SPAG16: variants seen among roughly 807,000 people sequenced by gnomAD.
SPAG16 encodes the protein sperm associated antigen 16.
In SPAG16, 86 loss-of-function variants were observed where a neutral mutation model predicts 80.4. The observed-to-expected ratio is 1.07, with a 90% CI of 0.90 to 1.28. The LOEUF (loss-of-function observed/expected upper bound fraction) is 1.28, where lower values mean the gene tolerates loss of function less well. SPAG16 is among the 50% of genes most tolerant of loss of function. The pLI is 0.00. For missense variants in SPAG16, 870 were observed against 765.3 expected, an observed-to-expected ratio of 1.14 and a Z score of -1.61; for synonymous variants, 294 against 265.9, an observed-to-expected ratio of 1.11 and a Z score of -1.03.
chr2:213,581,977 T>G (rs1262560630), intron 10 of SPAG16, among the ~76,000 whole-genome samples: 1 of 152,124 alleles, frequency 6.6e-6, no homozygotes, highest in Non-Finnish European at 1.5e-5. Context: ...CTGTACATCA[T>G]AGAGAGTCAT....
At chr2:213,566,346 A>G (rs1363988331) in intron 10 of SPAG16, among the ~76,000 whole-genome samples, 1 of 152,202 alleles carries the variant, frequency 6.6e-6, no homozygotes, top group Non-Finnish European at 1.5e-5. Flanking sequence ...TTTTAACTTC[A>G]GGCAAAACAT....
chr2:213,565,185 T>A (rs2059720279), intron 10 of SPAG16, among the ~76,000 whole-genome samples: 1 of 152,204 alleles, frequency 6.6e-6, no homozygotes, highest in African/African-American at 2.4e-5. Flanking sequence ...TCTCTTCAGT[T>A]TTCTTTTCTG....
intron 1 of SPAG16, among the ~76,000 whole-genome samples, chr2:213,294,727 T>A (rs1207920022): frequency 6.6e-6 from 1 of 152,118 alleles, no homozygotes; most frequent in Non-Finnish European, 1.5e-5. Context: ...TGATGGAGCT[T>A]AGTAGCAGTA....
At chr2:214,037,873 G>A (rs1228100211) in intron 13 of SPAG16, among the ~76,000 whole-genome samples, 23 of 96,488 alleles carry the variant, frequency 2.4e-4, no homozygotes, top group East Asian at 5.9e-4. Flanking sequence ...TGGTGTGTGT[G>A]TGTGTGTGTG....
intron 15 of SPAG16, among the ~76,000 whole-genome samples, chr2:214,304,884 A>G (rs1694807816): frequency 6.6e-6 from 1 of 152,166 alleles, no homozygotes; most frequent in African/African-American, 2.4e-5. Context: ...TCCTTTGGGT[A>G]TATACTCAGT....
chr2:213,994,526 T>C (rs2106462164), intron 12 of SPAG16, among the ~76,000 whole-genome samples: 1 of 152,080 alleles, frequency 6.6e-6, no homozygotes, highest in Middle Eastern at 3.4e-3. Context: ...TGTCTTACAG[T>C]TCAGTTATTA....
At chr2:213,847,183 T>G (rs2074673148) in intron 10 of SPAG16, among the ~76,000 whole-genome samples, 1 of 152,222 alleles carries the variant, frequency 6.6e-6, no homozygotes, top group South Asian at 2.1e-4. Flanking sequence ...GTAATTAGAC[T>G]AGACCCACCC....
At chr2:213,344,176 T>C (rs1044822223) in intron 6 of SPAG16, among the ~76,000 whole-genome samples, 1 of 152,134 alleles carries the variant, frequency 6.6e-6, no homozygotes, top group Non-Finnish European at 1.5e-5. Flanking sequence ...CCCCAGTACA[T>C]AGTCACTCAA....
intron 15 of SPAG16, among the ~76,000 whole-genome samples, chr2:214,259,561 G>A (rs1397436007): frequency 2.8e-5 from 4 of 140,376 alleles, no homozygotes; most frequent in Non-Finnish European, 3.0e-5. Flanking sequence ...CACACGTTTC[G>A]GCAGATATAA....
chr2:213,917,984 G>T (rs148766555), intron 11 of SPAG16, among the ~76,000 whole-genome samples: 1 of 152,168 alleles, frequency 6.6e-6, no homozygotes, highest in East Asian at 1.9e-4. Context: ...TTAATGTGAA[G>T]ATGTATTTTA....
rs71063790 is a variant in SPAG16, at chr2:213,847,862, GACACACAC to G, written c.1071-14607_1071-14600del. On this transcript the variant is annotated intron_variant, in intron 10 of 15. Transcript: ENST00000331683. ...ACAAAATGTTGTAATATAAACAAAT[GACACACAC>G]ACACACACACACACAGACATATAAT... 1.3e-5 allele frequency among the ~76,000 whole-genome samples: 2 copies of G among 149,872 alleles called. 1 individual carries two copies. The highest frequency in any genetic ancestry group is 4.2e-4 in the South Asian group (2 of 4,710).
intron 10 of SPAG16, among the ~76,000 whole-genome samples, chr2:213,556,687 A>C (rs563154877): frequency 3.9e-5 from 6 of 152,282 alleles, no homozygotes; most frequent in African/African-American, 1.4e-4. Context: ...TACATCATCC[A>C]GACTAGAAAA....
chr2:213,519,787 CAT>C (rs1429850743), intron 10 of SPAG16, among the ~76,000 whole-genome samples: 33 of 152,108 alleles, frequency 2.2e-4, no homozygotes, highest in Non-Finnish European at 3.8e-4. Flanking sequence ...TGAAAGCACA[CAT>C]GTTTTCATAG....
At chr2:214,042,246 A>G (rs904134369) in intron 13 of SPAG16, among the ~76,000 whole-genome samples, 1 of 151,654 alleles carries the variant, frequency 6.6e-6, no homozygotes, top group African/African-American at 2.4e-5. Context: ...GACGTGCATC[A>G]CCATGCCCAG....
At chr2:214,170,715 T>C (rs2056843290) in intron 15 of SPAG16, among the ~76,000 whole-genome samples, 1 of 152,150 alleles carries the variant, frequency 6.6e-6, no homozygotes, top group Middle Eastern at 3.4e-3. Context: ...TGTTGTGGTA[T>C]AAGCTCATGA....
intron 15 of SPAG16, among the ~76,000 whole-genome samples, chr2:214,316,143 GGT>G (rs1491301292): frequency 9.9e-5 from 2 of 20,180 alleles, no homozygotes; most frequent in African/African-American, 3.2e-4. Flanking sequence ...TTACTTTTTG[GGT>G]TTTTTTTTTT....
At chr2:213,716,300 A>G (rs1156459765) in intron 10 of SPAG16, among the ~76,000 whole-genome samples, 2 of 152,216 alleles carry the variant, frequency 1.3e-5, no homozygotes, top group Non-Finnish European at 2.9e-5. Context: ...CCATCACAGC[A>G]TAGCTTGAAA....
intron 5 of SPAG16, among the ~76,000 whole-genome samples, chr2:213,337,190 A>C (rs2064409123): frequency 6.6e-6 from 1 of 152,202 alleles, no homozygotes; most frequent in South Asian, 2.1e-4. Context: ...CATCAATGAA[A>C]AGGACCCCAC....
chr2:214,155,758 C>T (rs2056185263), intron 15 of SPAG16, among the ~76,000 whole-genome samples: 1 of 152,132 alleles, frequency 6.6e-6, no homozygotes, highest in African/African-American at 2.4e-5. Flanking sequence ...GGATCTTGTC[C>T]TACACTAAAG....
Sources: allele counts gnomAD v4.1 joint callset (sites outside exome capture counted in the v4.1 genomes callset), GRCh38; gene constraint gnomAD v4.1.1; transcripts MANE v1.5; gene names NCBI Gene and HGNC (gene_info 2026-07-23, HGNC 2026-07-21).